The following SH2D3C variants were observed in gnomAD, a reference collection of about 807,000 sequenced individuals.
SH2D3C encodes SH2 domain containing 3C, also known as SH2 domain-containing protein 3C.
In SH2D3C, 25 loss-of-function variants were observed where a neutral mutation model predicts 75.2. The ratio of observed to expected loss-of-function variants is 0.33; its 90% CI spans 0.24 to 0.46. SH2D3C has a LOEUF of 0.46. Among genes scored for constraint, SH2D3C ranks in the 20% least tolerant of loss-of-function variants. The pLI, the probability that SH2D3C is intolerant of heterozygous loss-of-function variation, is 1.00. For missense variants in SH2D3C, 933 were observed against 1,165.3 expected (o/e 0.80, Z 2.90); for synonymous variants, 450 against 473.7 (o/e 0.95, Z 0.65).
rs1046235987 is a variant in SH2D3C, at chr9:127,745,215, T to G, written c.1265-116A>C. 6.4e-6 allele frequency: 5 copies of G among 778,022 alleles called. No individual in the cohort carries two copies. In the African/African-American group the frequency reaches 8.8e-5, roughly 14 times the overall value. The allele number at this position is 778,022 out of a possible 1,614,324, so 48.2% of individuals were successfully genotyped here. A position where few individuals can be genotyped will look rare whatever the true frequency, so the allele number is the denominator to read the frequency against. On this transcript the variant is annotated intron_variant, in intron 6 of 11. Coordinates refer to ENST00000314830, the MANE Select transcript of SH2D3C (RefSeq NM_170600.3). ...CTCCTTGTAGGGAGTACAGAGGTGA[T>G]GTCCCCACCTCCCTGCATCACCAGA...
At position 127,740,300 on chromosome 9, in the gene SH2D3C, T is replaced by C. The variant is rs1844816220; in HGVS notation, c.2158A>G (p.Lys720Glu). Residue 720 changes from lysine to glutamate, a missense_variant, in exon 10 of 12, where the codon AAG becomes GAG. Lys to Glu is a moderately conservative substitution (Grantham distance 56, BLOSUM62 1). Transcript: ENST00000314830. ...RHTEGAILYEKKLKPFLKSLN... is the reference protein window; with the variant it reads ...RHTEGAILYEEKLKPFLKSLN... The stretch of plus-strand genomic sequence containing the variant: ...CTCTTGAGAAAAGGCTTGAGCTTCT[T>C]CTCGTACAGGATGGCACCCTCTGTG... The C allele has an allele frequency of 2.4e-5, 38 of 1,614,028 alleles. No individual in the cohort carries two copies. Among genetic ancestry groups the C allele is most frequent in the Non-Finnish European group, 3.1e-5 (37 of 1,180,040 alleles).
chr9:127,778,656 A>T lies in SH2D3C; in HGVS notation c.-29T>A. 6.2e-7 allele frequency: 1 copy of T among 1,609,898 alleles called. No individual in the cohort carries two copies. Among genetic ancestry groups the T allele is most frequent in the Non-Finnish European group, 8.5e-7 (1 of 1,176,220 alleles). The stretch of plus-strand genomic sequence containing the variant: ...GGCAAATTGTGTGAAGCCCTTGGCC[A>T]GCTTGCGAGTGGCCACTCAAGGCTC... On this transcript the variant is annotated 5_prime_UTR_variant, in exon 1 of 12. Transcript: ENST00000314830.
In SH2D3C at chr9:127,744,724, A is replaced by T; in HGVS notation, c.1640T>A (p.Val547Glu). The T allele has an allele frequency of 6.2e-7, 1 of 1,614,208 alleles. No individual in the cohort carries two copies. The highest frequency in any genetic ancestry group is 8.5e-7 in the Non-Finnish European group (1 of 1,180,032). Reference sequence around the variant, plus strand: ...CGGGTTGAAGGAAGAAGTGACTTCCACGATGGGGACTGTGAAGGTCTTGCC... The same window carrying T: ...CGGGTTGAAGGAAGAAGTGACTTCCTCGATGGGGACTGTGAAGGTCTTGCC... ...DWGKTFTVPI[V>E]EVTSSFNPAT... Residue 547 changes from valine (V) to glutamate (E), a missense_variant, in exon 7 of 12, where the codon GTG becomes GAG. Val to Glu is a moderately radical substitution (Grantham distance 121). Transcript: ENST00000314830.
intron 2 of SH2D3C, among the ~76,000 whole-genome samples, chr9:127,762,600 C>G (rs371260775): frequency 1.3e-5 from 2 of 152,230 alleles, no homozygotes; most frequent in Non-Finnish European, 2.9e-5. Flanking sequence ...GAAATCCTGC[C>G]GCTCCGCCGT....
At chr9:127,767,285 GAGAAA>G in intron 2 of SH2D3C, 3 of 1,443,334 alleles carry the variant, frequency 2.1e-6, no homozygotes, top group Non-Finnish European at 2.7e-6. Context: ...CCAAAGAAGA[GAGAAA>G]AGAAAAGGCA....
In SH2D3C at chr9:127,754,606, C is replaced by T. The variant is rs1845304920; in HGVS notation, c.556-3306G>A. Among the ~76,000 whole-genome samples, 1 of 152,142 alleles carries T rather than the reference C, an allele frequency of 6.6e-6. No homozygotes were observed. Among genetic ancestry groups the T allele is most frequent in the Non-Finnish European group, 1.5e-5 (1 of 67,996 alleles). The stretch of plus-strand genomic sequence containing the variant: ...GCCCACCTAGAGGGCGGGAGGGTGG[C>T]GGGCGCTCTGGCCCCAACCCTGGCA... On this transcript the variant is annotated intron_variant, in intron 3 of 11. Coordinates refer to ENST00000314830, the MANE Select transcript of SH2D3C (RefSeq NM_170600.3). This position sits in a 1 kb window ranked among gnomAD's most constrained non-coding sequence, Gnocchi z 4.4.
chr9:127,766,828 C>T, intron 2 of SH2D3C: 1 of 1,173,896 alleles, frequency 8.5e-7, no homozygotes, highest in Admixed American at 2.7e-5. Context: ...CCTTGGCCTC[C>T]CAAAGTGCTG....
rs755122514 is a variant in SH2D3C at position 127,741,970 on chromosome 9, G to A, written c.1917-11C>T. The stretch of plus-strand genomic sequence containing the variant: ...GACATGGTGTGGAACCTGTCAGAGC[G>A]GCGGGGTCAGAGGCGGCGGGCTCGG... On this transcript the variant is annotated splice_polypyrimidine_tract_variant and intron_variant, in intron 8 of 11. Coordinates refer to ENST00000314830, the MANE Select transcript of SH2D3C (RefSeq NM_170600.3). 1 of 1,601,800 alleles carries A rather than the reference G, an allele frequency of 6.2e-7. No homozygotes were observed. The highest frequency in any genetic ancestry group is 8.5e-7 in the Non-Finnish European group (1 of 1,173,974).
chr9:127,739,024 C>A lies in SH2D3C; in HGVS notation c.2408-103G>T. The A allele has an allele frequency of 9.4e-7, 1 of 1,062,920 alleles. No homozygotes were observed. 65.8% of individuals were successfully genotyped at this position (1,062,920 alleles called of 1,614,324 possible). ...GTTAGGGACCTCCCCTCAACTCCGCCAGGGATCCAACAAGGTTTGTGAATC... is the reference window on the plus strand; with the variant it reads ...GTTAGGGACCTCCCCTCAACTCCGCAAGGGATCCAACAAGGTTTGTGAATC... On this transcript the variant is annotated intron_variant, in intron 11 of 11. Transcript: ENST00000314830. This position sits in a 1 kb window ranked among gnomAD's most constrained non-coding sequence, Gnocchi z 4.3.
At chr9:127,770,133 G>A (rs896936000) in intron 2 of SH2D3C, among the ~76,000 whole-genome samples, 5 of 152,094 alleles carry the variant, frequency 3.3e-5, no homozygotes, top group Admixed American at 1.3e-4. Context: ...GGGCAGGCTA[G>A]GCTGGTGCTT....
intron 3 of SH2D3C, among the ~76,000 whole-genome samples, chr9:127,757,633 G>GATT (rs1491372867): frequency 0.015 from 1,036 of 67,136 alleles, 12 homozygotes; most frequent in East Asian, 0.023. Flanking sequence ...TGATGATGAT[G>GATT]ATGATGATGA....
chr9:127,770,909 G>A (rs1845720381), intron 2 of SH2D3C, among the ~76,000 whole-genome samples: 1 of 152,210 alleles, frequency 6.6e-6, no homozygotes, highest in South Asian at 2.1e-4. Context: ...TGGTTCTGAC[G>A]CTCACTGGCT....
chr9:127,740,999 T>C (rs1844839515), intron 9 of SH2D3C, among the ~76,000 whole-genome samples: 1 of 152,076 alleles, frequency 6.6e-6, no homozygotes, highest in Non-Finnish European at 1.5e-5. Flanking sequence ...TTATTAGTCA[T>C]AGGAGAGGCA....
intron 2 of SH2D3C, among the ~76,000 whole-genome samples, chr9:127,768,863 C>T (rs12555208): frequency 0.013 from 1,883 of 150,446 alleles, 18 homozygotes; most frequent in Non-Finnish European, 0.019. Flanking sequence ...CCTTTATACA[C>T]GCTGTTCCCT....
rs373507513 is a variant in SH2D3C at position 127,767,002 on chromosome 9, C to T, written c.516-5352G>A. 472 of 1,536,184 alleles carry T rather than the reference C, an allele frequency of 3.1e-4. 3 individuals carry two copies. The African/African-American group carries it at 5.8e-3, about 19-fold the overall frequency. ...GTGGAAAGCCCCGTCTCTGCCAGGA[C>T]ACCAGCCATGGGGCCTGTGGGATTC... On this transcript the variant is annotated intron_variant, in intron 2 of 11. Coordinates refer to ENST00000314830, the MANE Select transcript of SH2D3C (RefSeq NM_170600.3).
intron 2 of SH2D3C, among the ~76,000 whole-genome samples, chr9:127,763,174 T>A (rs1203391483): frequency 1.3e-5 from 2 of 152,234 alleles, no homozygotes; most frequent in Non-Finnish European, 2.9e-5. Flanking sequence ...TATTCAGGGC[T>A]TTGCTTAATG....
intron 2 of SH2D3C, among the ~76,000 whole-genome samples, chr9:127,770,292 G>A (rs779662767): frequency 6.6e-5 from 10 of 152,090 alleles, no homozygotes; most frequent in South Asian, 2.1e-4. Flanking sequence ...CTGTCTCCCC[G>A]GGGTGGGGGA....
intron 3 of SH2D3C, among the ~76,000 whole-genome samples, chr9:127,757,531 A>T (rs943991970): frequency 4.6e-5 from 7 of 151,020 alleles, no homozygotes; most frequent in African/African-American, 1.7e-4. Context: ...CCTGGGTTCG[A>T]GTGATTCTCA....
At position 127,754,820 on chromosome 9, in the gene SH2D3C, G is replaced by A. The variant is rs1264407816; in HGVS notation, c.556-3520C>T. The A allele has an allele frequency of 8.2e-6, 4 of 487,640 alleles. No individual in the cohort carries two copies. The highest frequency in any genetic ancestry group is 1.7e-5 in the Non-Finnish European group (4 of 238,274). 30.2% of individuals were successfully genotyped at this position (487,640 alleles called of 1,614,324 possible). On this transcript the variant is annotated intron_variant, in intron 3 of 11. Coordinates refer to ENST00000314830, the MANE Select transcript of SH2D3C (RefSeq NM_170600.3). This position sits in a 1 kb window ranked among gnomAD's most constrained non-coding sequence, Gnocchi z 4.4. ...GCCCCAGCTCTCTCCCTCCTGCGGA[G>A]GAGGCAGAAACGGACCGGCATCTAC...
Sources: allele counts gnomAD v4.1 joint callset (sites outside exome capture counted in the v4.1 genomes callset), GRCh38; gene constraint gnomAD v4.1.1; non-coding constraint Gnocchi (gnomAD v3.1); transcripts MANE v1.5; gene names NCBI Gene and HGNC (gene_info 2026-07-23, HGNC 2026-07-21).